VPS54: variants seen among roughly 807,000 people sequenced by gnomAD.
VPS54 encodes VPS54 subunit of GARP complex.
In VPS54, 45 loss-of-function variants were observed where a neutral mutation model predicts 121.5. The ratio of observed to expected loss-of-function variants is 0.37; its 90% confidence interval spans 0.29 to 0.47. The LOEUF (loss-of-function observed/expected upper bound fraction) is 0.47. VPS54 is among the 20% of genes least tolerant of loss of function. VPS54 has a pLI of 0.99. For missense variants in VPS54, 1,090 were observed against 1,131.4 expected, an observed-to-expected ratio of 0.96 and a Z score of 0.52; for synonymous variants, 371 against 385.8, an observed-to-expected ratio of 0.96 and a Z score of 0.45.
rs1673561853 is a variant in VPS54, at chr2:63,919,919, C to T, written c.2128G>A (p.Asp710Asn). The change falls in exon 15 of 23, where the codon GAT becomes AAT. Residue 710 changes from aspartate (D) to asparagine (N), a missense_variant. Physicochemically the swap from Asp to Asn is conservative, Grantham distance 23. Around this residue, in one of 2 missense-constraint regions of VPS54, gnomAD observed 289 missense variants for 374.4 expected, o/e 0.77. Transcript: ENST00000272322. ...EFQDLVDSLS[D>N]GKIALPEKKS... ...TTTTCAGGTAAAGCAATCTTCCCAT[C>T]TGACAGAGAATCAACAAGATCCTGA... 6.2e-7 allele frequency: 1 copy of T among 1,611,642 alleles called. No individual in the cohort carries two copies. The highest frequency in any genetic ancestry group is 1.3e-5 in the African/African-American group (1 of 74,796).
intron 1 of VPS54, among the ~76,000 whole-genome samples, chr2:63,985,573 GAACAA>G (rs1359751861): frequency 1.3e-5 from 2 of 151,816 alleles, no homozygotes; most frequent in African/African-American, 4.8e-5. Flanking sequence ...ACAATAACAT[GAACAA>G]AAGATAATGA....
chr2:63,901,737 C>T (rs1338335816), intron 20 of VPS54, among the ~76,000 whole-genome samples: 4 of 152,076 alleles, frequency 2.6e-5, no homozygotes, highest in Non-Finnish European at 4.4e-5. Context: ...GCTCCTGGGC[C>T]GGGCATGGTG....
At chr2:64,004,300 A>G (rs1678025027) in intron 1 of VPS54, among the ~76,000 whole-genome samples, 2 of 152,212 alleles carry the variant, frequency 1.3e-5, no homozygotes, top group Non-Finnish European at 2.9e-5. Context: ...CCCCCAATGT[A>G]AAAGCTAATT....
chr2:63,999,160 G>A (rs1677751405), intron 1 of VPS54, among the ~76,000 whole-genome samples: 1 of 152,082 alleles, frequency 6.6e-6, no homozygotes, highest in Non-Finnish European at 1.5e-5. Context: ...ATGTTAGCCA[G>A]GCTAGTCTTC....
chr2:64,002,371 T>C (rs1169333720), intron 1 of VPS54, among the ~76,000 whole-genome samples: 1 of 152,208 alleles, frequency 6.6e-6, no homozygotes, highest in Non-Finnish European at 1.5e-5. Context: ...AAATTTGGTG[T>C]TCCTATGGAG....
At chr2:63,957,622 GA>G (rs1675564768) in intron 7 of VPS54, among the ~76,000 whole-genome samples, 1 of 152,024 alleles carries the variant, frequency 6.6e-6, no homozygotes, top group African/African-American at 2.4e-5. Context: ...CTGAAGAGGG[GA>G]AATCAAACTT....
At chr2:63,896,760 A>G (rs1478432086) in intron 22 of VPS54, among the ~76,000 whole-genome samples, 5 of 152,198 alleles carry the variant, frequency 3.3e-5, no homozygotes, top group Admixed American at 2.0e-4. Flanking sequence ...CTAGAACACT[A>G]AAGAATTGAT....
At chr2:63,944,764 ACTTTTC>A in intron 9 of VPS54, 109 bp from the exon 10 acceptor site, 1 of 859,546 alleles carries the variant, frequency 1.2e-6, no homozygotes, top group Admixed American at 3.0e-5. Context: ...ATGAACAGAC[ACTTTTC>A]AAAAAAGGAC....
At chr2:64,001,786 T>C (rs1419683076) in intron 1 of VPS54, among the ~76,000 whole-genome samples, 1 of 151,704 alleles carries the variant, frequency 6.6e-6, no homozygotes, top group African/African-American at 2.4e-5. Context: ...AAGCAGAAGG[T>C]AGGGATATCT....
At chr2:63,963,079 C>A (rs898593368) in intron 6 of VPS54, among the ~76,000 whole-genome samples, 1 of 152,060 alleles carries the variant, frequency 6.6e-6, no homozygotes. Flanking sequence ...GCTGAATAAT[C>A]CAAGATAGAC....
chr2:63,954,008 C>T (rs1447661912), intron 7 of VPS54, among the ~76,000 whole-genome samples: 1 of 152,030 alleles, frequency 6.6e-6, no homozygotes, highest in African/African-American at 2.4e-5. Context: ...ATCAAAGTCA[C>T]TTAAAAAAGA....
At chr2:64,010,589 T>A (rs1411741541) in intron 1 of VPS54, among the ~76,000 whole-genome samples, 1 of 152,216 alleles carries the variant, frequency 6.6e-6, no homozygotes, top group Non-Finnish European at 1.5e-5. Context: ...TTCCACAACA[T>A]TTTTGAAATG....
At chr2:63,931,208 G>A (rs1287439665) in intron 12 of VPS54, among the ~76,000 whole-genome samples, 2 of 152,110 alleles carry the variant, frequency 1.3e-5, no homozygotes, top group Non-Finnish European at 2.9e-5. Flanking sequence ...ACAATCCTGG[G>A]CAAGAAGAAC....
At chr2:63,952,349 T>C (rs550694190) in intron 7 of VPS54, among the ~76,000 whole-genome samples, 8 of 152,300 alleles carry the variant, frequency 5.3e-5, no homozygotes, top group East Asian at 3.9e-4. Flanking sequence ...AATATGTTTA[T>C]ATCTCAGGGA....
At chr2:63,966,658 T>C (rs528641051) in intron 5 of VPS54, among the ~76,000 whole-genome samples, 139 of 152,274 alleles carry the variant, frequency 9.1e-4, no homozygotes, top group Non-Finnish European at 2.8e-4. Flanking sequence ...TGTATTAACT[T>C]CCCTGTTTAA....
chr2:63,903,265 C>T (rs931139490), intron 20 of VPS54, among the ~76,000 whole-genome samples: 13 of 152,184 alleles, frequency 8.5e-5, no homozygotes, highest in African/African-American at 2.4e-4. Flanking sequence ...GAAAACTATG[C>T]GAGCCAGAAG....
rs997400234 is a variant in VPS54, at chr2:63,965,908, G to C, written c.551C>G (p.Pro184Arg). Residue 184 changes from proline to arginine, a missense_variant, in exon 6 of 23, where the codon CCA becomes CGA. Physicochemically the swap from Pro to Arg is moderately radical, Grantham distance 103. Around this residue, in one of 2 missense-constraint regions of VPS54, gnomAD observed 801 missense variants for 757.0 expected, o/e 1.06. Transcript: ENST00000272322. ...ACCAGCAGTATTAAAATGAGACCAT[G>C]GTAAAACTGAATTAAAAGTTAAGGA... The part of the protein sequence containing the change: ...DDSLTFNSVL[P>R]WSHFNTAGGK... The C allele has an allele frequency of 1.9e-6, 3 of 1,612,068 alleles. No individual in the cohort carries two copies. The highest frequency in any genetic ancestry group is 1.6e-4 in the Middle Eastern group (1 of 6,074).
chr2:63,979,995 A>G (rs1676735892), intron 3 of VPS54, among the ~76,000 whole-genome samples: 1 of 152,150 alleles, frequency 6.6e-6, no homozygotes, highest in Admixed American at 6.5e-5. Flanking sequence ...AGGTTGGTTA[A>G]TGGTTCAAGT....
At chr2:63,901,379 A>T (rs1320705355) in intron 20 of VPS54, among the ~76,000 whole-genome samples, 1 of 152,188 alleles carries the variant, frequency 6.6e-6, no homozygotes, top group Non-Finnish European at 1.5e-5. Context: ...AAATAAGTAA[A>T]ATTTTAACAA....
Sources: allele counts gnomAD v4.1 joint callset (sites outside exome capture counted in the v4.1 genomes callset), GRCh38; gene constraint gnomAD v4.1.1; regional missense constraint gnomAD v4.1.1; transcripts MANE v1.5; gene names NCBI Gene and HGNC (gene_info 2026-07-23, HGNC 2026-07-21).